The following RELN variants were observed in gnomAD, a reference collection of about 807,000 sequenced individuals.
The protein encoded by RELN is reelin.
A neutral mutation model predicts 427.6 loss-of-function variants in RELN; 108 were observed. The ratio of observed to expected loss-of-function variants is 0.25; its 90% CI spans 0.22 to 0.30. The LOEUF (loss-of-function observed/expected upper bound fraction) is 0.30, where lower values mean the gene tolerates loss of function less well. Ranked by LOEUF, RELN falls within the 10% of genes least tolerant of loss-of-function variation. RELN has a pLI of 1.00. For synonymous variants in RELN, 1,524 were observed against 1,513.4 expected (o/e 1.01, Z -0.16); for missense variants, 3,715 against 4,302.8 (o/e 0.86, Z 3.82).
rs147325532 is a variant in RELN, at chr7:103,541,076, G to C, written c.6672-621C>G. Among the ~76,000 whole-genome samples the C allele has an allele frequency of 5.5e-3, 841 of 152,298 alleles. 7 individuals carry two copies. The highest frequency in any genetic ancestry group is 0.019 in the African/African-American group (784 of 41,562). On this transcript the variant is annotated intron_variant, in intron 43 of 64. Coordinates refer to ENST00000428762, the MANE Select transcript of RELN (RefSeq NM_005045.4). The stretch of plus-strand genomic sequence containing the variant: ...TTTTGTGCTGGGGCAGGGACCATGA[G>C]TGTGGGGTGGTGGTGGTGGTGGCTG...
At chr7:103,513,601 C>T (rs569527291) in intron 50 of RELN, 9 of 151,812 alleles carry the variant, frequency 5.9e-5, no homozygotes, top group Non-Finnish European at 8.8e-5. Flanking sequence ...TTTTTTTAAA[C>T]GAGGGTGTTT....
At chr7:103,730,582 G>A (rs928410086) in intron 6 of RELN, among the ~76,000 whole-genome samples, 21 of 151,930 alleles carry the variant, frequency 1.4e-4, no homozygotes, top group Admixed American at 3.3e-4. Flanking sequence ...CTTCTTCATT[G>A]TGCTTTATAA....
At position 103,556,958 on chromosome 7, in the gene RELN, A is replaced by G. The variant is rs202190286; in HGVS notation, c.5797+19T>C. The G allele has an allele frequency of 2.0e-5, 32 of 1,590,472 alleles. No homozygotes were observed. In the Admixed American group the frequency reaches 5.2e-4, roughly 26 times the overall value. On this transcript the variant is annotated intron_variant, in intron 38 of 64. Coordinates refer to ENST00000428762, the MANE Select transcript of RELN (RefSeq NM_005045.4). ...TGCCACTATCAGTTCTGATCACAGG[A>G]GAACACATGCATTTTTACCGTTATT...
chr7:103,698,039 G>C lies in RELN; in HGVS notation c.957C>G (p.Ala319=), dbSNP rs1028221579. 32 of 1,613,658 alleles carry C rather than the reference G, an allele frequency of 2.0e-5. No homozygotes were observed. The highest frequency in any genetic ancestry group is 2.7e-5 in the African/African-American group (2 of 74,880). Residue 319 remains alanine, a synonymous_variant, in exon 10 of 65, where the codon GCC becomes GCG. Coordinates refer to ENST00000428762, the MANE Select transcript of RELN (RefSeq NM_005045.4). Reference sequence around the variant, plus strand: ...ACTGAAATTGGACATTCTCCCCTTTGGCGTCCTCAGGAAGGTAGAGGATAT... The same window carrying C: ...ACTGAAATTGGACATTCTCCCCTTTCGCGTCCTCAGGAAGGTAGAGGATAT... ...IIHILYLPED[A]KGENVQFQWK... is the part of the protein sequence containing the mutation.
intron 31 of RELN, among the ~76,000 whole-genome samples, chr7:103,571,343 T>TATCATA (rs1830877574): frequency 1.3e-5 from 2 of 152,238 alleles, no homozygotes; most frequent in Non-Finnish European, 2.9e-5. Context: ...TAAGGAATTA[T>TATCATA]ATCATATCTG....
At chr7:103,682,918 T>C (rs867101172) in intron 10 of RELN, among the ~76,000 whole-genome samples, 3 of 151,694 alleles carry the variant, frequency 2.0e-5, no homozygotes, top group African/African-American at 7.3e-5. Flanking sequence ...TTTCTTGTGA[T>C]ACTTTTTCTA....
At position 103,569,221 on chromosome 7, in the gene RELN, A is replaced by G. The variant is rs1410783010; in HGVS notation, c.4589-2462T>C. ...ACAGGTCTACAGAGTGAGAAACTGA[A>G]ACCTCTTGCCAACAGCAGAGAAGAA... On this transcript the variant is annotated intron_variant, in intron 31 of 64. Transcript: ENST00000428762. This position sits in a 1 kb window ranked among gnomAD's most constrained non-coding sequence, Gnocchi z 4.0. Among the ~76,000 whole-genome samples, 2 of 152,216 alleles carry G rather than the reference A, an allele frequency of 1.3e-5. No individual in the cohort carries two copies. The highest frequency in any genetic ancestry group is 2.4e-5 in the African/African-American group (1 of 41,448).
At chr7:103,762,412 C>A (rs1320165328) in intron 4 of RELN, among the ~76,000 whole-genome samples, 1 of 152,218 alleles carries the variant, frequency 6.6e-6, no homozygotes, top group Non-Finnish European at 1.5e-5. Context: ...TTAATTGACA[C>A]TCTAACTACA....
At chr7:103,576,454 G>A (rs1043219643) in intron 28 of RELN, among the ~76,000 whole-genome samples, 1 of 152,094 alleles carries the variant, frequency 6.6e-6, no homozygotes, top group Non-Finnish European at 1.5e-5. Context: ...TTCTTTTTCA[G>A]CATAAATGTT....
intron 1 of RELN, among the ~76,000 whole-genome samples, chr7:103,945,418 T>C (rs1415867939): frequency 1.3e-5 from 2 of 152,190 alleles, no homozygotes; most frequent in African/African-American, 4.8e-5. Flanking sequence ...AGTTCTCAAC[T>C]GTAGTATTAT....
intron 10 of RELN, among the ~76,000 whole-genome samples, chr7:103,683,564 TATC>T (rs1262529416): frequency 2.6e-5 from 4 of 152,178 alleles, no homozygotes; most frequent in Non-Finnish European, 5.9e-5. Flanking sequence ...ATGTCATAGT[TATC>T]ATAACATCAT....
In RELN at chr7:103,640,104, T is replaced by C. The variant is rs979567422; in HGVS notation, c.2069+439A>G. 6.6e-6 allele frequency among the ~76,000 whole-genome samples: 1 copy of C among 152,226 alleles called. No homozygotes were observed. The highest frequency in any genetic ancestry group is 2.4e-5 in the African/African-American group (1 of 41,464). The stretch of plus-strand genomic sequence containing the variant: ...ACGCTTAAGTTATATTTAAAGATGA[T>C]GAATTTGCTTATCAAATCTGCTAAA... On this transcript the variant is annotated intron_variant, in intron 17 of 64. Coordinates refer to ENST00000428762, the MANE Select transcript of RELN (RefSeq NM_005045.4). This position sits in a 1 kb window ranked among gnomAD's most constrained non-coding sequence, Gnocchi z 4.1.
intron 4 of RELN, among the ~76,000 whole-genome samples, chr7:103,764,308 G>T (rs919341607): frequency 6.6e-6 from 1 of 152,220 alleles, no homozygotes; most frequent in Middle Eastern, 3.4e-3. Context: ...GTATGCAGTG[G>T]CCAAAAAGGT....
At chr7:103,909,546 G>A (rs1421650381) in intron 2 of RELN, among the ~76,000 whole-genome samples, 1 of 145,374 alleles carries the variant, frequency 6.9e-6, no homozygotes, top group East Asian at 2.0e-4. Context: ...GGTGGATGTT[G>A]TAGTGAGCTC....
intron 57 of RELN, among the ~76,000 whole-genome samples, chr7:103,494,695 C>T (rs944679310): frequency 6.6e-6 from 1 of 151,784 alleles, no homozygotes; most frequent in Non-Finnish European, 1.5e-5. Context: ...ATTGATATTG[C>T]TTTGCCTTTC....
At chr7:103,704,117 G>A (rs1834149726) in intron 8 of RELN, among the ~76,000 whole-genome samples, 1 of 152,080 alleles carries the variant, frequency 6.6e-6, no homozygotes, top group Non-Finnish European at 1.5e-5. Flanking sequence ...TGGTTCCAGT[G>A]GTCTTGGTTA....
intron 1 of RELN, among the ~76,000 whole-genome samples, chr7:103,975,139 T>C (rs1796844630): frequency 6.6e-6 from 1 of 152,202 alleles, no homozygotes. Flanking sequence ...AAAGCCAAAA[T>C]TTAGAAATTG....
chr7:103,814,406 G>A (rs1056919750), intron 3 of RELN, among the ~76,000 whole-genome samples: 2 of 152,172 alleles, frequency 1.3e-5, no homozygotes, highest in African/African-American at 4.8e-5. Flanking sequence ...TTGAATTCTA[G>A]TTAGTGCTAT....
chr7:103,545,434 T>C, intron 41 of RELN, 90 bp from the exon 42 acceptor site: 1 of 857,536 alleles, frequency 1.2e-6, no homozygotes, highest in Non-Finnish European at 1.9e-6. Flanking sequence ...AATGGGCAGC[T>C]TCTACCTATG....
Sources: allele counts gnomAD v4.1 joint callset (sites outside exome capture counted in the v4.1 genomes callset), GRCh38; gene constraint gnomAD v4.1.1; non-coding constraint Gnocchi (gnomAD v3.1); transcripts MANE v1.5; gene names NCBI Gene and HGNC (gene_info 2026-07-23, HGNC 2026-07-21).